PTGER2: variants seen among roughly 807,000 people sequenced by gnomAD.
The protein encoded by PTGER2 is prostaglandin E2 receptor EP2 subtype.
A neutral mutation model predicts 26.2 loss-of-function variants in PTGER2; 22 were observed. The ratio of observed to expected loss-of-function variants is 0.84; its 90% CI spans 0.60 to 1.20. The LOEUF is 1.20. Among genes scored for constraint, PTGER2 ranks in the 50% most tolerant of loss-of-function variants. The pLI is 0.00. For synonymous variants in PTGER2, 219 were observed against 208.9 expected (o/e 1.05, Z -0.42); for missense variants, 458 against 475.2 (o/e 0.96, Z 0.34).
chr14:52,316,100 T>C (rs960487301), intron 1 of PTGER2, among the ~76,000 whole-genome samples: 2 of 152,226 alleles, frequency 1.3e-5, no homozygotes, highest in African/African-American at 4.8e-5. Context: ...GCTAAGCATT[T>C]GTAATATCTT....
In PTGER2 at chr14:52,314,584, C is replaced by A; in HGVS notation, c.36C>A (p.Asp12Glu). The A allele has an allele frequency of 6.6e-7, 1 of 1,509,174 alleles. No individual in the cohort carries two copies. Among genetic ancestry groups the A allele is most frequent in the South Asian group, 1.3e-5 (1 of 74,600 alleles). The allele number at this position is 1,509,174 out of a possible 1,614,324, so 93.5% of individuals were successfully genotyped here. ...CCTCCAATGACTCCCAGTCTGAGGA[C>A]TGCGAGACGCGACAGTGGCTTCCCC... ...GNASNDSQSE[D>E]CETRQWLPPG... Residue 12 changes from aspartate to glutamate, a missense_variant, in exon 1 of 2, where the codon GAC (aspartate) becomes GAA (glutamate). Coordinates refer to ENST00000245457, the MANE Select transcript of PTGER2 (RefSeq NM_000956.4). This position sits in a 1 kb window ranked among gnomAD's most constrained non-coding sequence, Gnocchi z 5.7.
intron 1 of PTGER2, among the ~76,000 whole-genome samples, chr14:52,318,414 A>G (rs576640259): frequency 1.2e-4 from 19 of 152,360 alleles, no homozygotes; most frequent in Admixed American, 6.5e-4. Flanking sequence ...TACATATTTT[A>G]TTTAACCCAA....
Position 52,314,367 on chromosome 14 carries a change from TCGGCG to T in PTGER2, c.-179_-175del. 1 of 656,480 alleles carries T rather than the reference TCGGCG, an allele frequency of 1.5e-6. No individual in the cohort carries two copies. Among genetic ancestry groups the T allele is most frequent in the East Asian group, 3.5e-5 (1 of 28,278 alleles). The allele number at this position is 656,480 out of a possible 1,614,324, so 40.7% of individuals were successfully genotyped here. ...TCGGATGCAGCAGCCGAGCCGCCAC[TCGGCG>T]CGCGGCGGGAGACCCAGGGCAAGCC... On this transcript the variant is annotated 5_prime_UTR_variant, in exon 1 of 2. It introduces an in-frame stop codon into an upstream open reading frame of the 5' UTR. Coordinates refer to ENST00000245457, the MANE Select transcript of PTGER2 (RefSeq NM_000956.4). This position sits in a 1 kb window ranked among gnomAD's most constrained non-coding sequence, Gnocchi z 5.7.
chr14:52,323,961 A>G (rs1033000657), intron 1 of PTGER2, among the ~76,000 whole-genome samples: 5 of 152,210 alleles, frequency 3.3e-5, no homozygotes, highest in Non-Finnish European at 5.9e-5. Context: ...TCACTGACAT[A>G]TTATTAATTA....
At position 52,315,004 on chromosome 14, in the gene PTGER2, G is replaced by A. The variant is rs573271564; in HGVS notation, c.456G>A (p.Gly152=). ...ACCAGCGCCGCGTCTCGCGCTCCGG[G>A]GGCCTGGCCGTGCTGCCTGTCATCT... is the stretch of plus-strand genomic sequence containing the variant. ...YFYQRRVSRS[G]GLAVLPVIYA... is the part of the protein sequence containing the mutation. Residue 152 remains glycine (G), a synonymous_variant, in exon 1 of 2, where the codon GGG becomes GGA. Coordinates refer to ENST00000245457, the MANE Select transcript of PTGER2 (RefSeq NM_000956.4). The A allele has an allele frequency of 1.2e-6, 2 of 1,613,374 alleles. No individual in the cohort carries two copies. The highest frequency in any genetic ancestry group is 1.7e-5 in the Admixed American group (1 of 60,018).
intron 1 of PTGER2, among the ~76,000 whole-genome samples, chr14:52,316,576 C>G (rs2033843515): frequency 6.6e-6 from 1 of 152,182 alleles, no homozygotes; most frequent in Non-Finnish European, 1.5e-5. Flanking sequence ...ACAGGTCTGA[C>G]CTGTAAAAGC....
In PTGER2 at chr14:52,314,752, C is replaced by G. The variant is rs746938997; in HGVS notation, c.204C>G (p.His68Gln). The G allele has an allele frequency of 6.2e-7, 1 of 1,602,178 alleles. No individual in the cohort carries two copies. Among genetic ancestry groups the G allele is most frequent in the African/African-American group, 1.3e-5 (1 of 74,680 alleles). ...GCAGGAGCTCCCTCTCCTTGTTCCACGTGCTGGTGACCGAGCTGGTGTTCA... is the reference window on the plus strand; with the variant it reads ...GCAGGAGCTCCCTCTCCTTGTTCCAGGTGCTGGTGACCGAGCTGGTGTTCA... ...AGRRSSLSLF[H>Q]VLVTELVFTD... The change falls in exon 1 of 2, where the codon CAC (histidine) becomes CAG (glutamine). Residue 68 changes from histidine to glutamine, a missense_variant. Coordinates refer to ENST00000245457, the MANE Select transcript of PTGER2 (RefSeq NM_000956.4). The surrounding 1 kb of genome is among the most constrained non-coding windows in gnomAD (Gnocchi z 5.7).
intron 1 of PTGER2, among the ~76,000 whole-genome samples, chr14:52,322,883 C>T (rs2033911900): frequency 6.6e-6 from 1 of 152,142 alleles, no homozygotes; most frequent in Admixed American, 6.5e-5. Context: ...TGGTTTTCTT[C>T]CCTTGTTCCC....
chr14:52,315,416 A>C, intron 1 of PTGER2, 25 bp downstream of exon 1: 3 of 1,609,070 alleles, frequency 1.9e-6, no homozygotes, highest in Non-Finnish European at 2.5e-6. Flanking sequence ...ACGTTTCCAC[A>C]GCCCGGCTCT....
chr14:52,320,677 A>G (rs1047462954), intron 1 of PTGER2, among the ~76,000 whole-genome samples: 4 of 152,076 alleles, frequency 2.6e-5, no homozygotes, highest in African/African-American at 9.7e-5. Context: ...CCCTGTCCTT[A>G]TCTTGAGCTC....
chr14:52,324,831 C>T (rs1047409161), intron 1 of PTGER2, among the ~76,000 whole-genome samples: 2 of 152,094 alleles, frequency 1.3e-5, no homozygotes, highest in African/African-American at 4.8e-5. Context: ...AAGTATGTCT[C>T]TTCTCCAAGT....
Position 52,327,794 on chromosome 14 carries a change from T to C in PTGER2, c.*340T>C. 4.4e-6 allele frequency: 1 copy of C among 229,018 alleles called. No homozygotes were observed. Among genetic ancestry groups the C allele is most frequent in the Non-Finnish European group, 8.6e-6 (1 of 115,770 alleles). 14.2% of individuals were successfully genotyped at this position (229,018 alleles called of 1,614,324 possible). ...TTTGTTTGAAACCCCAAACAGTGAC[T>C]GTACTTTCTATTTTAATCTTGCTAC... On this transcript the variant is annotated 3_prime_UTR_variant, in exon 2 of 2. Transcript: ENST00000245457.
intron 1 of PTGER2, among the ~76,000 whole-genome samples, chr14:52,326,281 A>AGCACT (rs2033950129): frequency 6.6e-6 from 1 of 152,226 alleles, no homozygotes; most frequent in Non-Finnish European, 1.5e-5. Flanking sequence ...GCACACAGTG[A>AGCACT]GCACTGCACT....
chr14:52,314,409 G>C lies in PTGER2; in HGVS notation c.-140G>C, dbSNP rs565124501. The C allele has an allele frequency of 3.8e-6, 4 of 1,057,750 alleles. No homozygotes were observed. The South Asian group carries it at 1.4e-4, about 36-fold the overall frequency. 65.5% of individuals were successfully genotyped at this position (1,057,750 alleles called of 1,614,324 possible). A position where few individuals can be genotyped will look rare whatever the true frequency, so the allele number is the denominator to read the frequency against. On this transcript the variant is annotated 5_prime_UTR_variant, in exon 1 of 2. Coordinates refer to ENST00000245457, the MANE Select transcript of PTGER2 (RefSeq NM_000956.4). The surrounding 1 kb of genome is among the most constrained non-coding windows in gnomAD (Gnocchi z 5.7). Reference sequence around the variant, plus strand: ...ACCCAGGGCAAGCCGCCGTCGGCGCGCTGGGTGCGGGAAGGGGGCTCTGGA... The same window carrying C: ...ACCCAGGGCAAGCCGCCGTCGGCGCCCTGGGTGCGGGAAGGGGGCTCTGGA...
In PTGER2 at chr14:52,327,901, C is replaced by G. The variant is rs1368469723; in HGVS notation, c.*447C>G. 6.4e-6 allele frequency: 1 copy of G among 156,682 alleles called. No individual in the cohort carries two copies. The highest frequency in any genetic ancestry group is 1.4e-5 in the Non-Finnish European group (1 of 70,694). 9.7% of individuals were successfully genotyped at this position (156,682 alleles called of 1,614,324 possible). On this transcript the variant is annotated 3_prime_UTR_variant, in exon 2 of 2. Coordinates refer to ENST00000245457, the MANE Select transcript of PTGER2 (RefSeq NM_000956.4). ...CTAGGAAGTCAATATGTGGAAGCAACCAAGCCTGCTGTCTTGTGATCACTT... is the reference window on the plus strand; with the variant it reads ...CTAGGAAGTCAATATGTGGAAGCAAGCAAGCCTGCTGTCTTGTGATCACTT...
chr14:52,321,949 A>G (rs1006121877), intron 1 of PTGER2, among the ~76,000 whole-genome samples: 4 of 151,996 alleles, frequency 2.6e-5, no homozygotes, highest in Admixed American at 1.3e-4. Context: ...AGTGTGATAA[A>G]TGAATAATTT....
chr14:52,322,050 G>A (rs978981673), intron 1 of PTGER2, among the ~76,000 whole-genome samples: 1 of 152,196 alleles, frequency 6.6e-6, no homozygotes, highest in Non-Finnish European at 1.5e-5. Flanking sequence ...TGCAAACCTT[G>A]ATGCCCATGG....
Position 52,314,413 on chromosome 14 carries a change from G to C in PTGER2, c.-136G>C, listed in dbSNP as rs973430645. On this transcript the variant is annotated 5_prime_UTR_variant, in exon 1 of 2. Coordinates refer to ENST00000245457, the MANE Select transcript of PTGER2 (RefSeq NM_000956.4). This position sits in a 1 kb window ranked among gnomAD's most constrained non-coding sequence, Gnocchi z 5.7. Reference sequence around the variant, plus strand: ...AGGGCAAGCCGCCGTCGGCGCGCTGGGTGCGGGAAGGGGGCTCTGGATTTC... The same window carrying C: ...AGGGCAAGCCGCCGTCGGCGCGCTGCGTGCGGGAAGGGGGCTCTGGATTTC... 41 of 1,083,456 alleles carry C rather than the reference G, an allele frequency of 3.8e-5. No individual in the cohort carries two copies. Among genetic ancestry groups the C allele is most frequent in the Non-Finnish European group, 4.6e-5 (39 of 839,728 alleles). The allele number at this position is 1,083,456 out of a possible 1,614,324, so 67.1% of individuals were successfully genotyped here. A position where few individuals can be genotyped will look rare whatever the true frequency, so the allele number is the denominator to read the frequency against.
Sources: gnomAD v4.1 joint callset for allele counts (sites outside exome capture counted in the v4.1 genomes callset) on GRCh38, gnomAD v4.1.1 for gene constraint, Gnocchi (gnomAD v3.1) non-coding constraint, MANE v1.5 for transcripts, NCBI Gene and HGNC (gene_info 2026-07-23, HGNC 2026-07-21) for gene names.